FBXW7: variants seen among roughly 807,000 people sequenced by gnomAD.
FBXW7 encodes the protein F-box/WD repeat-containing protein 7.
FBXW7 carries 11 observed loss-of-function variants against 86.3 expected under a neutral mutation model. The observed-to-expected ratio is 0.13, with a 90% CI of 0.08 to 0.21. FBXW7 has a LOEUF of 0.21. Among genes scored for constraint, FBXW7 ranks in the 10% least tolerant of loss-of-function variants. FBXW7 has a pLI of 1.00. For missense variants in FBXW7, 488 were observed against 847.4 expected (o/e 0.58, Z 5.27); for synonymous variants, 313 against 297.9 (o/e 1.05, Z -0.52).
intron 4 of FBXW7, among the ~76,000 whole-genome samples, chr4:152,359,934 A>G (rs1019081185): frequency 2.6e-5 from 4 of 152,166 alleles, no homozygotes; most frequent in Non-Finnish European, 4.4e-5. Context: ...CAGAAGTTTG[A>G]TAAGTGTTGA....
intron 2 of FBXW7, among the ~76,000 whole-genome samples, chr4:152,508,242 TAA>T (rs1315450362): frequency 2.6e-5 from 4 of 151,774 alleles, no homozygotes; most frequent in African/African-American, 2.4e-5. Context: ...CCATCTGATA[TAA>T]GAGGGGAAAA....
intron 4 of FBXW7, among the ~76,000 whole-genome samples, chr4:152,384,969 A>C (rs933633702): frequency 6.6e-6 from 1 of 152,090 alleles, no homozygotes; most frequent in African/African-American, 2.4e-5. Context: ...TTCCAACATA[A>C]GACTAATTGT....
chr4:152,338,171 A>G (rs1247387879), intron 6 of FBXW7: 6 of 326,840 alleles, frequency 1.8e-5, no homozygotes, highest in Non-Finnish European at 2.2e-5. Flanking sequence ...TGACAGAAAA[A>G]TATTTTTTCA....
intron 2 of FBXW7, among the ~76,000 whole-genome samples, chr4:152,433,590 G>C (rs992993280): frequency 1.3e-5 from 2 of 152,134 alleles, no homozygotes; most frequent in East Asian, 1.9e-4. Context: ...AATGACTCCT[G>C]TGATTGTTTG....
intron 2 of FBXW7, among the ~76,000 whole-genome samples, chr4:152,415,765 T>C (rs1156754902): frequency 1.3e-5 from 2 of 152,120 alleles, no homozygotes; most frequent in African/African-American, 4.8e-5. Flanking sequence ...TGTTCCACCC[T>C]TTCTGTCACC....
intron 2 of FBXW7, among the ~76,000 whole-genome samples, chr4:152,481,007 T>C (rs74954309): frequency 0.016 from 2,443 of 152,298 alleles, 56 homozygotes; most frequent in African/African-American, 0.055. Context: ...AGATTTTCAA[T>C]TGAGATGAAA....
chr4:152,419,281 T>G (rs1162676942), intron 2 of FBXW7, among the ~76,000 whole-genome samples: 1 of 152,134 alleles, frequency 6.6e-6, no homozygotes, highest in Non-Finnish European at 1.5e-5. Flanking sequence ...CAAAATGTAT[T>G]ACATTTCTTA....
Position 152,535,568 on chromosome 4 carries a change from C to T in FBXW7, c.-654G>A, listed in dbSNP as rs1028414630. 5 of 396,524 alleles carry T rather than the reference C, an allele frequency of 1.3e-5. No homozygotes were observed. Among genetic ancestry groups the T allele is most frequent in the Admixed American group, 4.4e-5 (1 of 22,640 alleles). 24.6% of individuals were successfully genotyped at this position (396,524 alleles called of 1,614,324 possible). On this transcript the variant is annotated 5_prime_UTR_variant, in exon 1 of 14. Transcript: ENST00000281708. ...CGGGGCAAGATGCTACGGCCCCGGG[C>T]GGGTGGCCGAGTCGGCGGCAAGGCG...
chr4:152,421,835 T>C (rs770832131), intron 2 of FBXW7, among the ~76,000 whole-genome samples: 2 of 152,166 alleles, frequency 1.3e-5, no homozygotes, highest in Non-Finnish European at 2.9e-5. Context: ...TCAGAATACA[T>C]ACAACATTTA....
At chr4:152,397,766 C>T (rs934003247) in intron 4 of FBXW7, among the ~76,000 whole-genome samples, 6 of 147,618 alleles carry the variant, frequency 4.1e-5, no homozygotes, top group African/African-American at 1.0e-4. Flanking sequence ...CTTTACTCCA[C>T]GATGATTAGG....
At chr4:152,378,773 C>T (rs754724125) in intron 4 of FBXW7, among the ~76,000 whole-genome samples, 17 of 152,024 alleles carry the variant, frequency 1.1e-4, no homozygotes, top group Admixed American at 3.9e-4. Flanking sequence ...GAGGCTGAGG[C>T]GAGCAGATAA....
intron 2 of FBXW7, among the ~76,000 whole-genome samples, chr4:152,462,539 G>T (rs1743044257): frequency 6.6e-6 from 1 of 152,144 alleles, no homozygotes; most frequent in African/African-American, 2.4e-5. Context: ...ATTTCCAACT[G>T]CCAGGCTACC....
intron 2 of FBXW7, among the ~76,000 whole-genome samples, chr4:152,419,446 G>A (rs1010661315): frequency 1.6e-4 from 23 of 143,702 alleles, no homozygotes; most frequent in African/African-American, 5.6e-4. Flanking sequence ...CATCACTTTT[G>A]GATCTCACAT....
intron 2 of FBXW7, among the ~76,000 whole-genome samples, chr4:152,481,948 T>C (rs1744922076): frequency 6.6e-6 from 1 of 152,200 alleles, no homozygotes; most frequent in African/African-American, 2.4e-5. Flanking sequence ...CATACTTAGT[T>C]GACAAAGCAG....
intron 4 of FBXW7, among the ~76,000 whole-genome samples, chr4:152,356,985 T>C (rs998528766): frequency 5.9e-5 from 9 of 152,194 alleles, no homozygotes; most frequent in Admixed American, 5.2e-4. Flanking sequence ...AAGAGCATAG[T>C]GTAACGTAAT....
chr4:152,347,049 A>C lies in FBXW7; in HGVS notation c.607T>G (p.Ser203Ala). The C allele has an allele frequency of 6.2e-7, 1 of 1,613,148 alleles. No individual in the cohort carries two copies. Among genetic ancestry groups the C allele is most frequent in the South Asian group, 1.1e-5 (1 of 91,002 alleles). The change falls in exon 6 of 14, where the codon TCA (serine) becomes GCA (alanine). Residue 203 changes from serine (S) to alanine (A), a missense_variant. This residue lies in a region of FBXW7 where 230 missense variants were observed against 240.0 expected (regional missense o/e 0.96). Coordinates refer to ENST00000281708, the MANE Select transcript of FBXW7 (RefSeq NM_001349798.2). The stretch of plus-strand genomic sequence containing the variant: ...TCCCCAAAAGTTGTTGGTGTTGCTG[A>C]ACATGGTACAAGCCCAGTGGTACTA... ...YTSTTGLVPC[S>A]ATPTTFGDLR... is the part of the protein sequence containing the mutation.
chr4:152,477,277 TA>T (rs1744503562), intron 2 of FBXW7, among the ~76,000 whole-genome samples: 1 of 152,038 alleles, frequency 6.6e-6, no homozygotes, highest in South Asian at 2.1e-4. Context: ...ATTAGAAAAA[TA>T]TAAAAGTTCT....
At chr4:152,448,811 T>A (rs1741646451) in intron 2 of FBXW7, among the ~76,000 whole-genome samples, 1 of 152,206 alleles carries the variant, frequency 6.6e-6, no homozygotes, top group Non-Finnish European at 1.5e-5. Context: ...AGCTACTCTT[T>A]AGAAAGAAGG....
intron 2 of FBXW7, among the ~76,000 whole-genome samples, chr4:152,529,374 T>C (rs1161308801): frequency 6.6e-6 from 1 of 151,948 alleles, no homozygotes; most frequent in South Asian, 2.1e-4. Context: ...AGAAGAAAAA[T>C]TAAAAAGTAA....
Sources: allele counts gnomAD v4.1 joint callset (sites outside exome capture counted in the v4.1 genomes callset), GRCh38; gene constraint gnomAD v4.1.1; regional missense constraint gnomAD v4.1.1; transcripts MANE v1.5; gene names NCBI Gene and HGNC (gene_info 2026-07-23, HGNC 2026-07-21).